Variants in SLC9A9 observed in about 807,000 individuals in gnomAD.
SLC9A9 encodes solute carrier family 9 member A9, also known as sodium/hydrogen exchanger 9.
Under a neutral mutation model 77.8 loss-of-function variants are expected in SLC9A9, and 62 were observed. The observed-to-expected ratio is 0.80, with a 90% CI of 0.65 to 0.98. The LOEUF (loss-of-function observed/expected upper bound fraction) is 0.98, where lower values mean the gene tolerates loss of function less well. Among genes scored for constraint, SLC9A9 ranks in the 50% least tolerant of loss-of-function variants. The probability of loss-of-function intolerance (pLI) is 0.00; values close to 1 mark genes in which losing one functional copy is unlikely to be tolerated. For missense variants in SLC9A9, 775 were observed against 774.9 expected (o/e 1.00, Z 0.00); for synonymous variants, 320 against 283.5 (o/e 1.13, Z -1.29).
intron 4 of SLC9A9, among the ~76,000 whole-genome samples, chr3:143,747,211 C>G (rs1200283772): frequency 6.6e-6 from 1 of 152,124 alleles, no homozygotes; most frequent in African/African-American, 2.4e-5. Context: ...TGAGACCAGC[C>G]TGGCCAACAT....
chr3:143,676,915 C>T lies in SLC9A9; in HGVS notation c.649+16277G>A, dbSNP rs75667243. 8.3e-3 allele frequency among the ~76,000 whole-genome samples: 1,270 copies of T among 152,232 alleles called. 15 individuals are homozygous for T. Among genetic ancestry groups the T allele is most frequent in the African/African-American group, 0.027 (1,124 of 41,520 alleles). On this transcript the variant is annotated intron_variant, in intron 5 of 15. Coordinates refer to ENST00000316549, the MANE Select transcript of SLC9A9 (RefSeq NM_173653.4). ...TACTTGTGAGTTGTAAATCTGAACT[C>T]CCACATGGGGAGGGTTGTTTGCACA...
intron 14 of SLC9A9, among the ~76,000 whole-genome samples, chr3:143,287,474 G>A (rs1938415409): frequency 6.6e-6 from 1 of 152,058 alleles, no homozygotes; most frequent in Admixed American, 6.5e-5. Flanking sequence ...GCCTTTGGTA[G>A]CTTCTCTTAT....
At chr3:143,847,973 C>T (rs749554673) in intron 1 of SLC9A9, 175 bp downstream of exon 1, 1 of 670,488 alleles carries the variant, frequency 1.5e-6, no homozygotes, top group Admixed American at 2.5e-5. Context: ...TGGCAAATTT[C>T]GGCGGCTTGT....
In SLC9A9 at chr3:143,698,344, T is replaced by C. The variant is rs138884224; in HGVS notation, c.534-5037A>G. 3.4e-3 allele frequency among the ~76,000 whole-genome samples: 520 copies of C among 152,288 alleles called. 4 individuals carry two copies. Among genetic ancestry groups the C allele is most frequent in the African/African-American group, 0.011 (465 of 41,546 alleles). On this transcript the variant is annotated intron_variant, in intron 4 of 15. Transcript: ENST00000316549. ...TTCAACAAATATCCAATTAGTAATA[T>C]CCTTTGAAAAACAGAGTGCTGGTGC...
At chr3:143,462,633 C>A (rs766831219) in intron 12 of SLC9A9, among the ~76,000 whole-genome samples, 1 of 152,070 alleles carries the variant, frequency 6.6e-6, no homozygotes, top group East Asian at 1.9e-4. Flanking sequence ...TTTATTTACC[C>A]GTAACTGTCC....
chr3:143,398,296 A>G (rs2033774449), intron 12 of SLC9A9, among the ~76,000 whole-genome samples: 1 of 152,156 alleles, frequency 6.6e-6, no homozygotes, highest in Admixed American at 6.6e-5. Context: ...GGGAGAGGTA[A>G]TATTTGAGCT....
At chr3:143,731,411 G>T (rs1934800404) in intron 4 of SLC9A9, among the ~76,000 whole-genome samples, 2 of 152,140 alleles carry the variant, frequency 1.3e-5, no homozygotes, top group South Asian at 4.1e-4. Context: ...GGCCTGTAAA[G>T]GGATGGAGAT....
intron 8 of SLC9A9, among the ~76,000 whole-genome samples, chr3:143,558,348 CCACTGT>C (rs986750567): frequency 6.6e-6 from 1 of 152,094 alleles, no homozygotes; most frequent in African/African-American, 2.4e-5. Context: ...AGGAAGAGGA[CCACTGT>C]CCTCTAGACC....
chr3:143,402,803 T>C (rs1248107152), intron 12 of SLC9A9, among the ~76,000 whole-genome samples: 1 of 151,570 alleles, frequency 6.6e-6, no homozygotes, highest in African/African-American at 2.4e-5. Flanking sequence ...TGTCTGCCTT[T>C]TGATTACATT....
chr3:143,392,811 T>C (rs2033604615), intron 12 of SLC9A9, among the ~76,000 whole-genome samples: 1 of 152,144 alleles, frequency 6.6e-6, no homozygotes. Flanking sequence ...TAGTCTCTGA[T>C]AAAACAGACT....
At chr3:143,546,171 T>C (rs1384901428) in intron 9 of SLC9A9, among the ~76,000 whole-genome samples, 4 of 152,230 alleles carry the variant, frequency 2.6e-5, no homozygotes, top group African/African-American at 9.6e-5. Context: ...GATCCTTTAT[T>C]TGAATTTTCA....
At chr3:143,455,586 T>C (rs1244493980) in intron 12 of SLC9A9, among the ~76,000 whole-genome samples, 2 of 152,180 alleles carry the variant, frequency 1.3e-5, no homozygotes, top group African/African-American at 4.8e-5. Flanking sequence ...TTTCTTGGTT[T>C]CTGTTATTGG....
At chr3:143,754,551 A>C (rs939709543) in intron 4 of SLC9A9, among the ~76,000 whole-genome samples, 3 of 152,168 alleles carry the variant, frequency 2.0e-5, no homozygotes, top group African/African-American at 7.2e-5. Context: ...TGCTTTATTG[A>C]TGTGAGAGCC....
intron 14 of SLC9A9, among the ~76,000 whole-genome samples, chr3:143,275,340 C>T (rs115574386): frequency 6.6e-6 from 1 of 152,218 alleles, no homozygotes; most frequent in African/African-American, 2.4e-5. Context: ...TTTGTTAAAA[C>T]TTATCTAATG....
chr3:143,725,225 G>T (rs1294696223), intron 4 of SLC9A9, among the ~76,000 whole-genome samples: 3 of 152,150 alleles, frequency 2.0e-5, no homozygotes, highest in Admixed American at 6.5e-5. Flanking sequence ...TCATTAAAAA[G>T]TCAGGAAACA....
chr3:143,823,943 A>G (rs1445193365), intron 2 of SLC9A9, among the ~76,000 whole-genome samples: 2 of 152,302 alleles, frequency 1.3e-5, no homozygotes, highest in East Asian at 3.9e-4. Context: ...TATAATGTAT[A>G]GAGTATATTG....
At chr3:143,469,030 C>G (rs1382007270) in intron 11 of SLC9A9, among the ~76,000 whole-genome samples, 1 of 152,100 alleles carries the variant, frequency 6.6e-6, no homozygotes, top group African/African-American at 2.4e-5. Context: ...CATAGTGGCG[C>G]ACACCTATAG....
chr3:143,797,514 C>T (rs1274441250), intron 2 of SLC9A9, among the ~76,000 whole-genome samples: 2 of 151,992 alleles, frequency 1.3e-5, no homozygotes, highest in Non-Finnish European at 2.9e-5. Flanking sequence ...TGGCCCAAAG[C>T]AAGTGAAGAA....
intron 4 of SLC9A9, among the ~76,000 whole-genome samples, chr3:143,747,612 G>A (rs1935225791): frequency 6.6e-6 from 1 of 152,138 alleles, no homozygotes; most frequent in Non-Finnish European, 1.5e-5. Context: ...TGTTGGCTTT[G>A]AAGACTAGAG....
Sources: allele counts gnomAD v4.1 joint callset (sites outside exome capture counted in the v4.1 genomes callset), GRCh38; gene constraint gnomAD v4.1.1; transcripts MANE v1.5; gene names NCBI Gene and HGNC (gene_info 2026-07-23, HGNC 2026-07-21).